Variants in MTRR observed in about 807,000 individuals in gnomAD.
MTRR encodes methionine synthase reductase.
In MTRR, 63 loss-of-function variants were observed where a neutral mutation model predicts 79.2. That is an observed-to-expected ratio of 0.80 (90% confidence interval 0.65 to 0.98). MTRR has a LOEUF of 0.98. Ranked by LOEUF, MTRR falls within the 50% of genes least tolerant of loss-of-function variation. The pLI, the probability that MTRR is intolerant of heterozygous loss-of-function variation, is 0.00. For synonymous variants in MTRR, 355 were observed against 313.3 expected, an observed-to-expected ratio of 1.13 and a Z score of -1.41; for missense variants, 895 against 839.6, an observed-to-expected ratio of 1.07 and a Z score of -0.82.
intron 6 of MTRR, 108 bp downstream of exon 6, chr5:7,883,385 A>G (rs559719937): frequency 1.1e-5 from 16 of 1,446,262 alleles, no homozygotes; most frequent in Middle Eastern, 4.6e-4. Flanking sequence ...TTGGTTACAT[A>G]TGCTGAGTTG....
At chr5:7,895,970 A>G (rs1458802691) in intron 12 of MTRR, 118 bp downstream of exon 12, 15 of 1,273,326 alleles carry the variant, frequency 1.2e-5, no homozygotes, top group Middle Eastern at 2.3e-4. Flanking sequence ...TTATTATTCA[A>G]TGTGCGATAA....
At chr5:7,866,022 TTGAGG>T (rs3832335), upstream of MTRR, 461,794 of 1,482,092 alleles carry the variant, frequency 0.31, 76,187 homozygotes, top group South Asian at 0.43. Context: ...TACGTCTGAA[TTGAGG>T]TATGTATGAG....
chr5:7,859,649 G>T, intron 1 of MTRR: 1 of 635,024 alleles, frequency 1.6e-6, no homozygotes, highest in Non-Finnish European at 2.6e-6. Context: ...CGGAATGTAA[G>T]CTCCTGGAAG....
chr5:7,869,656 C>T (rs953249120), intron 1 of MTRR: 4 of 215,452 alleles, frequency 1.9e-5, no homozygotes, highest in African/African-American at 9.6e-5. Flanking sequence ...GAGCTCTGCC[C>T]ACCGCCTCCG....
chr5:7,872,014 T>C (rs1470086276), intron 2 of MTRR, among the ~76,000 whole-genome samples: 1 of 152,330 alleles, frequency 6.6e-6, no homozygotes, highest in African/African-American at 2.4e-5. Context: ...AATTTTTTTT[T>C]TTAACACCAA....
At chr5:7,859,105 C>G (rs1746356819) in intron 1 of MTRR, 1 of 158,710 alleles carries the variant, frequency 6.3e-6, no homozygotes, top group Admixed American at 6.5e-5. Context: ...TGTTAGAAAA[C>G]AAAAGGTCTC....
At chr5:7,867,036 A>G, upstream of MTRR, 2 of 1,614,150 alleles carry the variant, frequency 1.2e-6, no homozygotes, top group Middle Eastern at 1.6e-4. Context: ...TTTGTAAAAA[A>G]TGTGTCATGG....
At chr5:7,868,886 C>T (rs1219741509), upstream of MTRR, 2 of 576,184 alleles carry the variant, frequency 3.5e-6, no homozygotes, top group Non-Finnish European at 6.3e-6. Context: ...TGCGCTGAGA[C>T]ACGGGCCGGG....
chr5:7,851,033 C>T (rs1746065075), upstream of MTRR: 3 of 1,243,310 alleles, frequency 2.4e-6, no homozygotes, highest in South Asian at 1.1e-4. Flanking sequence ...CCGCCACCGT[C>T]CAGCGCCCCC....
rs960781416 is a variant in MTRR, at chr5:7,878,448, G to C, written c.780+126G>C. 7.3e-6 allele frequency: 9 copies of C among 1,231,258 alleles called. No homozygotes were observed. The African/African-American group carries it at 7.6e-5, about 10-fold the overall frequency. The allele number at this position is 1,231,258 out of a possible 1,614,324, so 76.3% of individuals were successfully genotyped here. On this transcript the variant is annotated intron_variant, in intron 5 of 14. Transcript: ENST00000440940. ...TGGCTTACTGGCCCAATGTGGCCCA[G>C]AGCCTTTCTTTTGTAAATAGATTTT... is the stretch of plus-strand genomic sequence containing the variant.
At position 7,883,202 on chromosome 5, in the gene MTRR, G is replaced by A. The variant is rs115289458; in HGVS notation, c.828G>A (p.Val276=). 432 of 1,614,192 alleles carry A rather than the reference G, an allele frequency of 2.7e-4. 3 individuals are homozygous for A. In the African/African-American group the frequency reaches 4.2e-3, roughly 16 times the overall value. Reference sequence around the variant, plus strand: ...CTTCAGCAGATCCAGTTTTTCAAGTGCCAATTTCAAAGGCAGTTCAACTTA... The same window carrying A: ...CTTCAGCAGATCCAGTTTTTCAAGTACCAATTTCAAAGGCAGTTCAACTTA... The part of the protein sequence containing the change: ...SVTSADPVFQ[V]PISKAVQLTT... Residue 276 remains valine (V), a synonymous_variant, in exon 6 of 15, where the codon GTG becomes GTA. Coordinates refer to ENST00000440940, the MANE Select transcript of MTRR (RefSeq NM_002454.3).
intron 1 of MTRR, chr5:7,869,668 G>T (rs1019188872): frequency 1.5e-5 from 3 of 206,674 alleles, no homozygotes; most frequent in African/African-American, 7.2e-5. Context: ...CCGCCTCCGC[G>T]CCGCTTCCGG....
intron 7 of MTRR, 64 bp downstream of exon 7, chr5:7,885,918 AGTGTGGCTCTAAGGTTCAGGGTCCT>A: frequency 6.2e-7 from 1 of 1,606,422 alleles, no homozygotes; most frequent in Admixed American, 1.7e-5. Flanking sequence ...TGATGGTGAG[AGTGTGGCTCTAAGGTTCAGGGTCCT>A]GTGTGTTGGC....
intron 3 of MTRR, among the ~76,000 whole-genome samples, chr5:7,874,049 A>T (rs949158452): frequency 2.0e-5 from 3 of 152,200 alleles, no homozygotes; most frequent in South Asian, 2.1e-4. Context: ...ATTCCAAGGT[A>T]GGGCCCTGGC....
At chr5:7,853,901 G>T (rs2126573544) in intron 1 of MTRR, among the ~76,000 whole-genome samples, 1 of 152,224 alleles carries the variant, frequency 6.6e-6, no homozygotes, top group South Asian at 2.1e-4. Context: ...CTTTCATGAG[G>T]TGAGTCATAG....
chr5:7,865,259 A>C (rs1746860727), upstream of MTRR, among the ~76,000 whole-genome samples: 2 of 152,162 alleles, frequency 1.3e-5, no homozygotes, highest in South Asian at 4.1e-4. Context: ...AGTACTGTCT[A>C]AGCTGTTTTA....
At chr5:7,873,049 G>C (rs770963616) in intron 2 of MTRR, among the ~76,000 whole-genome samples, 14 of 152,112 alleles carry the variant, frequency 9.2e-5, no homozygotes, top group Non-Finnish European at 1.6e-4. Flanking sequence ...ATGAAAGACT[G>C]GGACTAGATG....
At chr5:7,861,881 C>T in intron 1 of MTRR, 2 of 796,268 alleles carry the variant, frequency 2.5e-6, no homozygotes, top group South Asian at 3.1e-5. Flanking sequence ...CGCTAAACCA[C>T]AGAATGGGTT....
rs149300444 is a variant in MTRR at position 7,873,489 on chromosome 5, G to A, written c.246G>A (p.Pro82=). 1.1e-5 allele frequency: 17 copies of A among 1,614,088 alleles called. No individual in the cohort carries two copies. Among genetic ancestry groups the A allele is most frequent in the South Asian group, 9.9e-5 (9 of 91,074 alleles). ...AGGAAATACAGAACCAAACACTGCC[G>A]GTTGATTTCTTTGCTCACCTGCGGT... The part of the protein sequence containing the change: ...FVKEIQNQTL[P]VDFFAHLRYG... Residue 82 remains proline, a synonymous_variant, in exon 3 of 15, where the codon CCG becomes CCA. Transcript: ENST00000440940.
Sources: allele counts gnomAD v4.1 joint callset (sites outside exome capture counted in the v4.1 genomes callset), GRCh38; gene constraint gnomAD v4.1.1; transcripts MANE v1.5; gene names NCBI Gene and HGNC (gene_info 2026-07-23, HGNC 2026-07-21).